The following DUSP22 variants were observed in gnomAD, a reference collection of about 807,000 sequenced individuals.
DUSP22 encodes dual specificity phosphatase 22.
A neutral mutation model predicts 24.5 loss-of-function variants in DUSP22; 24 were observed. The ratio of observed to expected loss-of-function variants is 0.98; its 90% CI spans 0.71 to 1.38. The LOEUF (loss-of-function observed/expected upper bound fraction) is 1.38. Ranked by LOEUF, DUSP22 falls within the 40% of genes most tolerant of loss-of-function variation. The pLI, the probability that DUSP22 is intolerant of heterozygous loss-of-function variation, is 0.00. For missense variants in DUSP22, 330 were observed against 269.2 expected, an observed-to-expected ratio of 1.23 and a Z score of -1.58; for synonymous variants, 160 against 106.4, an observed-to-expected ratio of 1.50 and a Z score of -3.10.
chr6:327,744 G>C (rs1166827899), intron 3 of DUSP22, among the ~76,000 whole-genome samples: 1 of 152,306 alleles, frequency 6.6e-6, no homozygotes, highest in African/African-American at 2.4e-5. Flanking sequence ...ATGTCAGGGA[G>C]GTTTTACTGA....
intron 3 of DUSP22, among the ~76,000 whole-genome samples, chr6:313,027 T>TAAC (rs1200122662): frequency 3.6e-5 from 5 of 140,280 alleles, no homozygotes; most frequent in Non-Finnish European, 6.1e-5. Context: ...TTATTGGAAA[T>TAAC]AACAACAACA....
chr6:298,903 G>T (rs535498290), intron 1 of DUSP22, among the ~76,000 whole-genome samples: 3 of 147,476 alleles, frequency 2.0e-5, no homozygotes, highest in Admixed American at 6.8e-5. Flanking sequence ...AATGAATACA[G>T]CCATTTAGTC....
intron 4 of DUSP22, among the ~76,000 whole-genome samples, chr6:339,960 T>A (rs1446339508): frequency 6.6e-6 from 1 of 152,306 alleles, no homozygotes; most frequent in African/African-American, 2.4e-5. Context: ...AGTGATGTTC[T>A]CCTGCTCAAG....
intron 1 of DUSP22, among the ~76,000 whole-genome samples, chr6:292,763 G>A (rs1395795542): frequency 1.2e-4 from 18 of 152,250 alleles, no homozygotes; most frequent in African/African-American, 3.6e-4. Flanking sequence ...CCGGCTTCCG[G>A]GTAGGCAGCC....
chr6:327,985 CAGAG>C (rs1758963842), intron 3 of DUSP22, among the ~76,000 whole-genome samples: 1 of 152,302 alleles, frequency 6.6e-6, no homozygotes, highest in Non-Finnish European at 1.5e-5. Context: ...ACTTTGCAGA[CAGAG>C]AGGAGCCACT....
At chr6:313,548 C>T (rs1758202784) in intron 3 of DUSP22, among the ~76,000 whole-genome samples, 1 of 152,302 alleles carries the variant, frequency 6.6e-6, no homozygotes, top group South Asian at 2.1e-4. Flanking sequence ...CCCTGTGTAG[C>T]TCAGTCTGTA....
chr6:346,358 G>A (rs937756980), intron 5 of DUSP22, among the ~76,000 whole-genome samples: 2 of 152,282 alleles, frequency 1.3e-5, no homozygotes, highest in Non-Finnish European at 2.9e-5. Context: ...TTTCAGTATC[G>A]CGCTACTGTG....
rs563168216 is a variant in DUSP22 at position 295,162 on chromosome 6, T to C, written c.21+2602T>C. On this transcript the variant is annotated intron_variant, in intron 1 of 6. Coordinates refer to ENST00000419235, the MANE Select transcript of DUSP22 (RefSeq NM_001286555.3). ...CCTTTTCTAAGAACATTTATAAATATGTGCAATGTCTTTGGAACTAACATA... is the reference window on the plus strand; with the variant it reads ...CCTTTTCTAAGAACATTTATAAATACGTGCAATGTCTTTGGAACTAACATA... Among the ~76,000 whole-genome samples, 109 of 152,390 alleles carry C rather than the reference T, an allele frequency of 7.2e-4. 1 individual carries two copies. In the East Asian group the frequency reaches 0.016, roughly 22 times the overall value.
chr6:299,968 G>T (rs919540852), intron 1 of DUSP22, among the ~76,000 whole-genome samples: 3 of 152,306 alleles, frequency 2.0e-5, no homozygotes, highest in African/African-American at 7.2e-5. Flanking sequence ...ATTCATTGGA[G>T]AAATGTTGAC....
chr6:336,708 T>G (rs1759375697), intron 4 of DUSP22, among the ~76,000 whole-genome samples: 1 of 152,302 alleles, frequency 6.6e-6, no homozygotes, highest in African/African-American at 2.4e-5. Context: ...AAGGTGAACG[T>G]TTAAGATTGA....
chr6:320,177 C>T (rs565039055), intron 3 of DUSP22: 1 of 152,710 alleles, frequency 6.5e-6, no homozygotes, highest in Admixed American at 6.5e-5. Context: ...CTCTTTTGGC[C>T]TGGCTTCCTA....
At chr6:346,882 C>T (rs1436832204) in intron 5 of DUSP22, among the ~76,000 whole-genome samples, 1 of 152,302 alleles carries the variant, frequency 6.6e-6, no homozygotes, top group Non-Finnish European at 1.5e-5. Context: ...AGAGAAGCCA[C>T]CTATGAAAAC....
chr6:347,137 T>A (rs1330122226), intron 5 of DUSP22, among the ~76,000 whole-genome samples: 1 of 152,304 alleles, frequency 6.6e-6, no homozygotes, highest in East Asian at 1.9e-4. Flanking sequence ...GAACTCCCAC[T>A]CCTGGGCTTC....
At position 349,874 on chromosome 6, in the gene DUSP22, C is replaced by T. The variant is rs1561686650; in HGVS notation, c.*923C>T. ...GCACTTTAGCCTAAGTTGGGTGCCC[C>T]AGGGCACCCCCTCCTCTCTGCTCCT... On this transcript the variant is annotated 3_prime_UTR_variant, in exon 7 of 7. Transcript: ENST00000419235. 1.0e-6 allele frequency: 1 copy of T among 985,904 alleles called. No individual in the cohort carries two copies. The highest frequency in any genetic ancestry group is 1.7e-5 in the African/African-American group (1 of 57,288). 61.1% of individuals were successfully genotyped at this position (985,904 alleles called of 1,614,324 possible).
intron 3 of DUSP22, among the ~76,000 whole-genome samples, chr6:323,739 G>A (rs1019241062): frequency 5.9e-5 from 9 of 152,422 alleles, no homozygotes; most frequent in Non-Finnish European, 8.8e-5. Context: ...TCCTACTCTT[G>A]GAAATTATTC....
intron 3 of DUSP22, chr6:320,292 T>G (rs1186420325): frequency 2.6e-5 from 4 of 152,994 alleles, no homozygotes; most frequent in African/African-American, 9.6e-5. Flanking sequence ...TTCCTAGATG[T>G]TGCCTTCATG....
chr6:344,528 G>A (rs1263993020), intron 4 of DUSP22, among the ~76,000 whole-genome samples: 2 of 152,294 alleles, frequency 1.3e-5, no homozygotes, highest in Admixed American at 1.3e-4. Context: ...GAGCTCAAGT[G>A]GTCTGCCCAC....
intron 4 of DUSP22, among the ~76,000 whole-genome samples, chr6:342,304 C>T (rs1379417616): frequency 1.3e-5 from 2 of 152,292 alleles, no homozygotes; most frequent in African/African-American, 4.8e-5. Context: ...CAGAAAGAGA[C>T]CCACACAGAA....
rs564906567 is a variant in DUSP22 at position 296,419 on chromosome 6, A to G, written c.21+3859A>G. 2.0e-5 allele frequency among the ~76,000 whole-genome samples: 3 copies of G among 152,418 alleles called. No individual in the cohort carries two copies. The South Asian group carries it at 6.2e-4, about 32-fold the overall frequency. The stretch of plus-strand genomic sequence containing the variant: ...TGGTGAGTAGCAGAGCCTGGACTCA[A>G]AGCCACAGTCTGGCTCGGCCACAAT... On this transcript the variant is annotated intron_variant, in intron 1 of 6. Coordinates refer to ENST00000419235, the MANE Select transcript of DUSP22 (RefSeq NM_001286555.3).
Sources: gnomAD v4.1 joint callset for allele counts (sites outside exome capture counted in the v4.1 genomes callset) on GRCh38, gnomAD v4.1.1 for gene constraint, MANE v1.5 for transcripts, NCBI Gene and HGNC (gene_info 2026-07-23, HGNC 2026-07-21) for gene names.